Variants in LMX1B observed in about 807,000 individuals in gnomAD.
LMX1B encodes the protein LIM homeobox transcription factor 1 beta.
Under a neutral mutation model 51.4 loss-of-function variants are expected in LMX1B, and 12 were observed. The ratio of observed to expected loss-of-function variants is 0.23; its 90% CI spans 0.15 to 0.38. The LOEUF (loss-of-function observed/expected upper bound fraction) is 0.38. LMX1B is among the 10% of genes least tolerant of loss of function. LMX1B has a pLI of 1.00. For synonymous variants in LMX1B, 237 were observed against 235.4 expected, an observed-to-expected ratio of 1.01 and a Z score of -0.06; for missense variants, 445 against 571.1, an observed-to-expected ratio of 0.78 and a Z score of 2.25.
rs141858410 is a variant in LMX1B, at chr9:126,685,679, G to A, written c.327-5157G>A. Among the ~76,000 whole-genome samples, 317 of 152,248 alleles carry A rather than the reference G, an allele frequency of 2.1e-3. 1 individual carries two copies. Among genetic ancestry groups the A allele is most frequent in the African/African-American group, 7.4e-3 (308 of 41,556 alleles). ...CACATAAACTGTAAAGGGCAGTGAC[G>A]GGGTGTGGGAATGGCACCCTCAGAG... On this transcript the variant is annotated intron_variant, in intron 2 of 7. Coordinates refer to ENST00000373474, the MANE Select transcript of LMX1B (RefSeq NM_001174147.2).
intron 2 of LMX1B, among the ~76,000 whole-genome samples, chr9:126,665,644 C>T (rs1390606789): frequency 1.3e-5 from 2 of 152,230 alleles, no homozygotes; most frequent in East Asian, 1.9e-4. Context: ...ACTCCTTCCC[C>T]TGGGTGGTGT....
chr9:126,620,843 A>G (rs1211875413), intron 2 of LMX1B, among the ~76,000 whole-genome samples: 2 of 152,198 alleles, frequency 1.3e-5, no homozygotes, highest in Non-Finnish European at 2.9e-5. Flanking sequence ...AACTGTTTGT[A>G]CTTACTGTTT....
intron 2 of LMX1B, among the ~76,000 whole-genome samples, chr9:126,680,876 G>C (rs1164329068): frequency 6.6e-6 from 1 of 152,174 alleles, no homozygotes; most frequent in African/African-American, 2.4e-5. Flanking sequence ...GGTTGGTCCA[G>C]GATTTCCTGT....
intron 2 of LMX1B, among the ~76,000 whole-genome samples, chr9:126,679,419 T>C (rs1463762288): frequency 6.7e-6 from 1 of 148,950 alleles, no homozygotes; most frequent in Admixed American, 6.7e-5. Flanking sequence ...GGGTAATATA[T>C]GGGTGGTGGA....
At chr9:126,687,356 G>C (rs896299853) in intron 2 of LMX1B, among the ~76,000 whole-genome samples, 1 of 152,088 alleles carries the variant, frequency 6.6e-6, no homozygotes, top group African/African-American at 2.4e-5. Flanking sequence ...AACCTCCGGA[G>C]TAGCTAGGAT....
At chr9:126,669,124 C>T (rs1015966370) in intron 2 of LMX1B, among the ~76,000 whole-genome samples, 6 of 152,242 alleles carry the variant, frequency 3.9e-5, no homozygotes, top group South Asian at 4.1e-4. Context: ...GACGAGGGGA[C>T]GAGAGGAAGA....
intron 2 of LMX1B, among the ~76,000 whole-genome samples, chr9:126,644,745 A>C (rs1036145005): frequency 6.6e-6 from 1 of 152,060 alleles, no homozygotes; most frequent in African/African-American, 2.4e-5. Context: ...CCCTGTCTGT[A>C]AAATGGGACC....
chr9:126,663,198 G>A (rs540800752), intron 2 of LMX1B, among the ~76,000 whole-genome samples: 31 of 102,462 alleles, frequency 3.0e-4, no homozygotes, highest in Admixed American at 2.2e-3. Context: ...AGGTTGAGGC[G>A]GGCGGATCAC....
chr9:126,686,206 G>A (rs971816778), intron 2 of LMX1B, among the ~76,000 whole-genome samples: 14 of 151,164 alleles, frequency 9.3e-5, no homozygotes, highest in Non-Finnish European at 1.6e-4. Context: ...CGTGAACCCA[G>A]GAGGCGGAGC....
At chr9:126,633,915 C>T (rs1259017410) in intron 2 of LMX1B, among the ~76,000 whole-genome samples, 1 of 152,158 alleles carries the variant, frequency 6.6e-6, no homozygotes, top group Admixed American at 6.5e-5. Flanking sequence ...GGGTAGTCGG[C>T]AGTCCAAATT....
At chr9:126,672,249 T>C (rs1836472168) in intron 2 of LMX1B, among the ~76,000 whole-genome samples, 1 of 152,176 alleles carries the variant, frequency 6.6e-6, no homozygotes, top group African/African-American at 2.4e-5. Flanking sequence ...GTTACAGTTA[T>C]TAGAGGGACT....
At chr9:126,660,123 G>C (rs886285800) in intron 2 of LMX1B, among the ~76,000 whole-genome samples, 4 of 150,888 alleles carry the variant, frequency 2.7e-5, no homozygotes, top group African/African-American at 9.8e-5. Context: ...TGCCCTTAGA[G>C]ATTGTCCTGT....
chr9:126,640,474 G>A (rs1296542567), intron 2 of LMX1B, among the ~76,000 whole-genome samples: 3 of 152,218 alleles, frequency 2.0e-5, no homozygotes, highest in Non-Finnish European at 2.9e-5. Flanking sequence ...CCAGTCCTGG[G>A]CCTTTGAGGG....
chr9:126,689,207 G>C (rs1193747076), intron 2 of LMX1B, among the ~76,000 whole-genome samples: 1 of 152,188 alleles, frequency 6.6e-6, no homozygotes, highest in Non-Finnish European at 1.5e-5. Flanking sequence ...TGCTGGGGGT[G>C]CCCCCTGCTG....
chr9:126,695,373 G>T lies in LMX1B; in HGVS notation c.887-466G>T, dbSNP rs554837728. ...GTGCTGCACCCTCACTTACCCGGCGGTCTGTCTCCTCCATGCCTTTGCCGC... is the reference window on the plus strand; with the variant it reads ...GTGCTGCACCCTCACTTACCCGGCGTTCTGTCTCCTCCATGCCTTTGCCGC... On this transcript the variant is annotated intron_variant, in intron 6 of 7. Transcript: ENST00000373474. The surrounding 1 kb of genome is among the most constrained non-coding windows in gnomAD (Gnocchi z 5.2). Among the ~76,000 whole-genome samples the T allele has an allele frequency of 6.6e-6, 1 of 152,168 alleles. No individual in the cohort carries two copies. Among genetic ancestry groups the T allele is most frequent in the South Asian group, 2.1e-4 (1 of 4,832 alleles).
intron 2 of LMX1B, among the ~76,000 whole-genome samples, chr9:126,689,276 C>T (rs535180785): frequency 1.3e-5 from 2 of 152,326 alleles, no homozygotes; most frequent in South Asian, 4.1e-4. Flanking sequence ...GCCCACTTCG[C>T]CCCACCAGCT....
rs193007995 is a variant in LMX1B at position 126,669,438 on chromosome 9, C to T, written c.327-21398C>T. ...CTGAGAAAAGTTTCCTTCGGGTCTG[C>T]ATTGTGTATTTGTATGAGCGCATGT... On this transcript the variant is annotated intron_variant, in intron 2 of 7. Transcript: ENST00000373474. Among the ~76,000 whole-genome samples the T allele has an allele frequency of 1.5e-4, 23 of 152,278 alleles. No homozygotes were observed. The East Asian group carries it at 4.1e-3, about 27-fold the overall frequency.
chr9:126,652,046 C>T (rs769164141), intron 2 of LMX1B, among the ~76,000 whole-genome samples: 14 of 151,440 alleles, frequency 9.2e-5, no homozygotes, highest in Non-Finnish European at 2.1e-4. Flanking sequence ...CTTGGGGGTC[C>T]CAACAGCCAG....
intron 2 of LMX1B, among the ~76,000 whole-genome samples, chr9:126,656,146 A>T (rs150860421): frequency 2.4e-3 from 368 of 152,342 alleles, no homozygotes; most frequent in African/African-American, 8.2e-3. Flanking sequence ...TGATGAGTTC[A>T]TTGGGAGAAT....
Sources: allele counts gnomAD v4.1 joint callset (sites outside exome capture counted in the v4.1 genomes callset), GRCh38; gene constraint gnomAD v4.1.1; non-coding constraint Gnocchi (gnomAD v3.1); transcripts MANE v1.5; gene names NCBI Gene and HGNC (gene_info 2026-07-23, HGNC 2026-07-21).